SLC36A3: variants seen among roughly 807,000 people sequenced by gnomAD.
SLC36A3 encodes the protein solute carrier family 36 member 3.
In SLC36A3, 35 loss-of-function variants were observed where a neutral mutation model predicts 44.3. The observed-to-expected ratio is 0.79, with a 90% CI of 0.60 to 1.05. The LOEUF is 1.05. Ranked by LOEUF, SLC36A3 falls within the 50% of genes least tolerant of loss-of-function variation. The pLI, the probability that SLC36A3 is intolerant of heterozygous loss-of-function variation, is 0.00. For synonymous variants in SLC36A3, 211 were observed against 227.6 expected (o/e 0.93, Z 0.66); for missense variants, 540 against 578.7 (o/e 0.93, Z 0.69).
At chr5:151,290,038 A>G (rs1032146172) in intron 4 of SLC36A3, among the ~76,000 whole-genome samples, 1 of 151,126 alleles carries the variant, frequency 6.6e-6, no homozygotes, top group African/African-American at 2.5e-5. Flanking sequence ...GCTGGTTTTT[A>G]AGAGAGATAT....
chr5:151,299,394 T>TA lies in SLC36A3; in HGVS notation c.129-712_129-711insT, dbSNP rs58121505. ...GGTGATATATATATATATATATATA[T>TA]TATATATATATGAATTGCTATATAT... On this transcript the variant is annotated intron_variant, in intron 1 of 9. Coordinates refer to ENST00000335230, the MANE Select transcript of SLC36A3 (RefSeq NM_181774.4). Among the ~76,000 whole-genome samples, 884 of 133,008 alleles carry TA rather than the reference T, an allele frequency of 6.6e-3. 44 individuals are homozygous for TA. In the East Asian group the frequency reaches 0.098, roughly 15 times the overall value. 87.3% of individuals were successfully genotyped at this position (133,008 alleles called of 152,430 possible). A position where few individuals can be genotyped will look rare whatever the true frequency, so the allele number is the denominator to read the frequency against.
chr5:151,284,833 C>T, intron 6 of SLC36A3, 122 bp from the exon 7 acceptor site: 1 of 553,048 alleles, frequency 1.8e-6, no homozygotes, highest in Non-Finnish European at 3.3e-6. Flanking sequence ...GATACCTAGA[C>T]CTCAGTCAGC....
chr5:151,289,861 T>G (rs1309308125), intron 4 of SLC36A3, among the ~76,000 whole-genome samples: 1 of 152,212 alleles, frequency 6.6e-6, no homozygotes, highest in East Asian at 1.9e-4. Flanking sequence ...CTATTGGAAA[T>G]GTACATTTTC....
intron 9 of SLC36A3, among the ~76,000 whole-genome samples, chr5:151,279,082 C>A (rs1396117351): frequency 6.6e-6 from 1 of 152,194 alleles, no homozygotes; most frequent in African/African-American, 2.4e-5. Context: ...GCAATACTTG[C>A]CTCAGGTCTG....
intron 1 of SLC36A3, among the ~76,000 whole-genome samples, chr5:151,301,338 G>T (rs986960939): frequency 6.6e-6 from 1 of 152,130 alleles, no homozygotes; most frequent in African/African-American, 2.4e-5. Flanking sequence ...CTGGCTCCAG[G>T]AGTCTAAACC....
intron 1 of SLC36A3, among the ~76,000 whole-genome samples, chr5:151,299,260 CTCTCTATA>C (rs1376187561): frequency 0.014 from 906 of 65,344 alleles, 5 homozygotes; most frequent in African/African-American, 0.045. Context: ...CTCTCTCTCT[CTCTCTATA>C]TATATATATA....
chr5:151,288,242 G>C lies in SLC36A3; in HGVS notation c.489+144C>G, dbSNP rs1754618615. On this transcript the variant is annotated intron_variant, in intron 5 of 9. Transcript: ENST00000335230. ...CTTTCAAAATGTGATTCCCAGGACT[G>C]AGAGAGCTCCCAAGCGTGGTCTGAT... 3 of 463,258 alleles carry C rather than the reference G, an allele frequency of 6.5e-6. No homozygotes were observed. The South Asian group carries it at 2.7e-4, about 42-fold the overall frequency. The allele number at this position is 463,258 out of a possible 1,614,324, so 28.7% of individuals were successfully genotyped here. A position where few individuals can be genotyped will look rare whatever the true frequency, so the allele number is the denominator to read the frequency against.
intron 3 of SLC36A3, 107 bp downstream of exon 3, chr5:151,296,073 G>A (rs1460621203): frequency 2.0e-6 from 2 of 987,348 alleles, no homozygotes; most frequent in East Asian, 5.0e-5. Context: ...TTGGTAGGAA[G>A]GTGGCCTGGA....
rs1755142619 is a variant in SLC36A3, at chr5:151,300,752, A to G, written c.129-2069T>C. Among the ~76,000 whole-genome samples the G allele has an allele frequency of 2.0e-5, 3 of 152,260 alleles. No homozygotes were observed. In the South Asian group the frequency reaches 6.2e-4, roughly 32 times the overall value. ...AAAATTGGGTTTATATTTTTTCTCG[A>G]AAACTATACAATTGCTATTATAAAA... On this transcript the variant is annotated intron_variant, in intron 1 of 9. Coordinates refer to ENST00000335230, the MANE Select transcript of SLC36A3 (RefSeq NM_181774.4).
intron 9 of SLC36A3, among the ~76,000 whole-genome samples, chr5:151,280,090 T>A (rs1343640997): frequency 6.6e-6 from 1 of 151,978 alleles, no homozygotes; most frequent in Non-Finnish European, 1.5e-5. Context: ...ACAGTGCTCA[T>A]GAGTGAGTGA....
chr5:151,295,861 T>C (rs1754940506), intron 3 of SLC36A3, among the ~76,000 whole-genome samples: 1 of 152,202 alleles, frequency 6.6e-6, no homozygotes, highest in Non-Finnish European at 1.5e-5. Context: ...GAAGAAAGTC[T>C]CTGTCTCAAA....
At chr5:151,293,833 G>A (rs1301617547) in intron 3 of SLC36A3, among the ~76,000 whole-genome samples, 1 of 152,220 alleles carries the variant, frequency 6.6e-6, no homozygotes, top group African/African-American at 2.4e-5. Context: ...TGCTGATGGT[G>A]TCAGAACACT....
At chr5:151,292,612 AC>A (rs1477223470) in intron 4 of SLC36A3, among the ~76,000 whole-genome samples, 3 of 152,364 alleles carry the variant, frequency 2.0e-5, no homozygotes, top group East Asian at 1.9e-4. Flanking sequence ...GCAGGGAACA[AC>A]CTGAATGTTC....
chr5:151,299,394 T>TTA (rs1554095844), intron 1 of SLC36A3, among the ~76,000 whole-genome samples: 1 of 133,026 alleles, frequency 7.5e-6, no homozygotes, highest in Non-Finnish European at 1.7e-5. Flanking sequence ...TATATATATA[T>TTA]TATATATATA....
Position 151,284,188 on chromosome 5 carries a change from A to C in SLC36A3, c.830T>G (p.Met277Arg), listed in dbSNP as rs749675404. Residue 277 changes from methionine to arginine, a missense_variant, in exon 8 of 10, where the codon ATG becomes AGG. Transcript: ENST00000335230. Reference sequence around the variant, plus strand: ...AAAAGAAAACTGCTGTGGATGCTTCATCTGGTTTTTGAGAGGCAGAACCTG... The same window carrying C: ...AAAAGAAAACTGCTGTGGATGCTTCCTCTGGTTTTTGAGAGGCAGAACCTG... ...VGMVLPLKNQMKHPQQFSFVL... is the reference protein window; with the variant it reads ...VGMVLPLKNQRKHPQQFSFVL... 6.2e-7 allele frequency: 1 copy of C among 1,608,966 alleles called. No homozygotes were observed. Among genetic ancestry groups the C allele is most frequent in the Non-Finnish European group, 8.5e-7 (1 of 1,178,522 alleles).
intron 4 of SLC36A3, among the ~76,000 whole-genome samples, chr5:151,289,683 T>C (rs1754684923): frequency 6.6e-6 from 1 of 152,202 alleles, no homozygotes; most frequent in Non-Finnish European, 1.5e-5. Flanking sequence ...AATTGTCTTA[T>C]AGAACGCCCC....
At chr5:151,283,481 A>G (rs765350636) in intron 8 of SLC36A3, among the ~76,000 whole-genome samples, 11 of 152,224 alleles carry the variant, frequency 7.2e-5, no homozygotes, top group Non-Finnish European at 1.5e-4. Flanking sequence ...CAGAACAAGA[A>G]CAGCATATTA....
At position 151,298,594 on chromosome 5, in the gene SLC36A3, A is replaced by C; in HGVS notation, c.218T>G (p.Leu73Trp). 1.2e-6 allele frequency: 2 copies of C among 1,614,178 alleles called. No homozygotes were observed. Among genetic ancestry groups the C allele is most frequent in the Non-Finnish European group, 1.7e-6 (2 of 1,180,014 alleles). Residue 73 changes from leucine (L) to tryptophan (W), a missense_variant and splice_region_variant, in exon 2 of 10, where the codon TTG becomes TGG. By Grantham distance (61) the Leu-to-Trp change is moderately conservative. Coordinates refer to ENST00000335230, the MANE Select transcript of SLC36A3 (RefSeq NM_181774.4). ...TCCCATCCCACAGATGCCTCTTACC[A>C]ACAAGCCGGCATTCTTTATGGCCAG... ...LPLAIKNAGL[L>W]VGPVSLLAIG...
intron 3 of SLC36A3, among the ~76,000 whole-genome samples, chr5:151,294,355 G>A (rs1754881431): frequency 6.6e-6 from 1 of 152,166 alleles, no homozygotes; most frequent in Admixed American, 6.5e-5. Context: ...TGAATCTGAG[G>A]GTTGCAAATT....
Sources: gnomAD v4.1 joint callset for allele counts (sites outside exome capture counted in the v4.1 genomes callset) on GRCh38, gnomAD v4.1.1 for gene constraint, MANE v1.5 for transcripts, NCBI Gene and HGNC (gene_info 2026-07-23, HGNC 2026-07-21) for gene names.